FAM131A: variants seen among roughly 807,000 people sequenced by gnomAD.
FAM131A encodes the protein family with sequence similarity 131 member A.
In FAM131A, 24 loss-of-function variants were observed where a neutral mutation model predicts 39.2. The ratio of observed to expected loss-of-function variants is 0.61; its 90% CI spans 0.44 to 0.86. The LOEUF is 0.86. Among genes scored for constraint, FAM131A ranks in the 40% least tolerant of loss-of-function variants. FAM131A has a pLI of 0.00. For missense variants in FAM131A, 373 were observed against 481.2 expected, an observed-to-expected ratio of 0.78 and a Z score of 2.10; for synonymous variants, 202 against 206.8, an observed-to-expected ratio of 0.98 and a Z score of 0.20.
intron 2 of FAM131A, chr3:184,339,086 A>C (rs1048003514): frequency 6.5e-6 from 1 of 152,810 alleles, no homozygotes; most frequent in Non-Finnish European, 1.5e-5. Context: ...AATGCCGGGG[A>C]GGGATGTGTG....
Position 184,342,948 on chromosome 3 carries a change from C to A in FAM131A, c.625+88C>A. ...GAGCCACATCCAGAACACTCTCAGCCTTTGCAAGGGGAGGGAGAGGGACAG... is the reference window on the plus strand; with the variant it reads ...GAGCCACATCCAGAACACTCTCAGCATTTGCAAGGGGAGGGAGAGGGACAG... On this transcript the variant is annotated intron_variant, in intron 5 of 5. Transcript: ENST00000383847. The surrounding 1 kb of genome is among the most constrained non-coding windows in gnomAD (Gnocchi z 4.6). 1 of 1,177,488 alleles carries A rather than the reference C, an allele frequency of 8.5e-7. No individual in the cohort carries two copies. The highest frequency in any genetic ancestry group is 1.3e-6 in the Non-Finnish European group (1 of 796,966). 72.9% of individuals were successfully genotyped at this position (1,177,488 alleles called of 1,614,324 possible).
Position 184,345,771 on chromosome 3 carries a change from G to T in FAM131A, c.*801G>T, listed in dbSNP as rs970159970. The T allele has an allele frequency of 1.7e-6, 1 of 582,298 alleles. No homozygotes were observed. Among genetic ancestry groups the T allele is most frequent in the African/African-American group, 1.9e-5 (1 of 52,540 alleles). 36.1% of individuals were successfully genotyped at this position (582,298 alleles called of 1,614,324 possible). On this transcript the variant is annotated 3_prime_UTR_variant, in exon 6 of 6. Transcript: ENST00000383847. Reference sequence around the variant, plus strand: ...CCCATTCACGCAGAGCTCTCTGAGCGGGAGGTGGAAGAAAGGATGGCTCTG... The same window carrying T: ...CCCATTCACGCAGAGCTCTCTGAGCTGGAGGTGGAAGAAAGGATGGCTCTG...
At position 184,345,104 on chromosome 3, in the gene FAM131A, G is replaced by GTT; in HGVS notation, c.*135_*136dup. 2.3e-6 allele frequency: 2 copies of GTT among 857,798 alleles called. No individual in the cohort carries two copies. The highest frequency in any genetic ancestry group is 3.7e-5 in the South Asian group (2 of 54,116). The allele number at this position is 857,798 out of a possible 1,614,324, so 53.1% of individuals were successfully genotyped here. The stretch of plus-strand genomic sequence containing the variant: ...GGCTCCTGGGAGCGCTCGCTTCTCC[G>GTT]TTGTGTGTTTTGCATGAAAGTGTTT... On this transcript the variant is annotated 3_prime_UTR_variant, in exon 6 of 6. Coordinates refer to ENST00000383847, the MANE Select transcript of FAM131A (RefSeq NM_144635.5).
chr3:184,342,058 A>G lies in FAM131A; in HGVS notation c.326-8A>G. 6.2e-7 allele frequency: 1 copy of G among 1,613,798 alleles called. No individual in the cohort carries two copies. Among genetic ancestry groups the G allele is most frequent in the African/African-American group, 1.3e-5 (1 of 74,912 alleles). On this transcript the variant is annotated splice_region_variant and splice_polypyrimidine_tract_variant and intron_variant, in intron 3 of 5. Transcript: ENST00000383847. The surrounding 1 kb of genome is among the most constrained non-coding windows in gnomAD (Gnocchi z 4.6). ...TTACCAGGCTTCTCCACCCTCCCCT[A>G]TCTCCAGGTATTTCCCAGGTGGTGA...
chr3:184,341,983 C>G (rs768506228), intron 3 of FAM131A, 83 bp from the exon 4 acceptor site: 10 of 1,564,294 alleles, frequency 6.4e-6, no homozygotes, highest in Non-Finnish European at 8.8e-6. Flanking sequence ...TGGATCCTAA[C>G]TACTGCCACC....
Position 184,346,150 on chromosome 3 carries a change from C to T in FAM131A, c.*1180C>T. 1 of 189,020 alleles carries T rather than the reference C, an allele frequency of 5.3e-6. No homozygotes were observed. Among genetic ancestry groups the T allele is most frequent in the Non-Finnish European group, 1.1e-5 (1 of 89,514 alleles). The allele number at this position is 189,020 out of a possible 1,614,324, so 11.7% of individuals were successfully genotyped here. A position where few individuals can be genotyped will look rare whatever the true frequency, so the allele number is the denominator to read the frequency against. ...TTGTAGGCTTTGGCAGGTAAGAGGG[C>T]CCAAGGTAAGAACGAGAGCCAACGG... On this transcript the variant is annotated 3_prime_UTR_variant, in exon 6 of 6. Coordinates refer to ENST00000383847, the MANE Select transcript of FAM131A (RefSeq NM_144635.5). This position sits in a 1 kb window ranked among gnomAD's most constrained non-coding sequence, Gnocchi z 6.0.
At position 184,346,235 on chromosome 3, in the gene FAM131A, T is replaced by G; in HGVS notation, c.*1265T>G. ...TGTTTATTTTGTTCTATTTAAGAAT[T>G]TGTTTTATTAAATTAATATAAAAAT... On this transcript the variant is annotated 3_prime_UTR_variant, in exon 6 of 6. Coordinates refer to ENST00000383847, the MANE Select transcript of FAM131A (RefSeq NM_144635.5). This position sits in a 1 kb window ranked among gnomAD's most constrained non-coding sequence, Gnocchi z 6.0. The G allele has an allele frequency of 3.8e-6, 1 of 263,076 alleles. No homozygotes were observed. The highest frequency in any genetic ancestry group is 5.3e-5 in the South Asian group (1 of 18,954). The allele number at this position is 263,076 out of a possible 1,614,324, so 16.3% of individuals were successfully genotyped here. A position where few individuals can be genotyped will look rare whatever the true frequency, so the allele number is the denominator to read the frequency against.
rs1242835925 is a variant in FAM131A at position 184,338,504 on chromosome 3, C to T, written c.206C>T (p.Ser69Leu). ...RGWSRSSRPS[S>L]VDSQDLPEVN... Reference sequence around the variant, plus strand: ...TGGAGCAGGTCCTCCCGCCCTTCCTCGGTGGACAGTCAGGACTTGCCAGAG... The same window carrying T: ...TGGAGCAGGTCCTCCCGCCCTTCCTTGGTGGACAGTCAGGACTTGCCAGAG... The change falls in exon 2 of 6, where the codon TCG (serine) becomes TTG (leucine). Residue 69 changes from serine (S) to leucine (L), a missense_variant. By Grantham distance (145) the Ser-to-Leu change is moderately radical. Around this residue, in one of 2 missense-constraint regions of FAM131A, gnomAD observed 221 missense variants for 347.7 expected, o/e 0.64. Transcript: ENST00000383847. 2 of 1,536,276 alleles carry T rather than the reference C, an allele frequency of 1.3e-6. No individual in the cohort carries two copies. The highest frequency in any genetic ancestry group is 1.7e-6 in the Non-Finnish European group (2 of 1,146,594).
chr3:184,342,913 C>CA lies in FAM131A; in HGVS notation c.625+54dup. On this transcript the variant is annotated intron_variant, in intron 5 of 5. Transcript: ENST00000383847. This position sits in a 1 kb window ranked among gnomAD's most constrained non-coding sequence, Gnocchi z 4.6. ...GGTGGACCCACCTGATAGACCTTGGCATTCTTTCAGAGCCACATCCAGAAC... is the reference window on the plus strand; with the variant it reads ...GGTGGACCCACCTGATAGACCTTGGCAATTCTTTCAGAGCCACATCCAGAAC... 1 of 1,476,792 alleles carries CA rather than the reference C, an allele frequency of 6.8e-7. No homozygotes were observed. Among genetic ancestry groups the CA allele is most frequent in the Admixed American group, 1.7e-5 (1 of 59,140 alleles). 91.5% of individuals were successfully genotyped at this position (1,476,792 alleles called of 1,614,324 possible).
chr3:184,336,609 C>G (rs1246037324), upstream of FAM131A, among the ~76,000 whole-genome samples: 1 of 152,314 alleles, frequency 6.6e-6, no homozygotes, highest in East Asian at 1.9e-4. The surrounding 1 kb of genome is among the most constrained non-coding windows in gnomAD (Gnocchi z 5.5). Context: ...GGCTAAGCAC[C>G]CTACCACAGA....
upstream of FAM131A, among the ~76,000 whole-genome samples, chr3:184,336,486 C>A (rs955433555): frequency 1.3e-5 from 2 of 152,214 alleles, no homozygotes; most frequent in African/African-American, 4.8e-5. This position sits in a 1 kb window ranked among gnomAD's most constrained non-coding sequence, Gnocchi z 5.5. Flanking sequence ...CCCACACACA[C>A]ACTCCCCTCC....
chr3:184,341,861 C>T, intron 3 of FAM131A, 44 bp downstream of exon 3: 4 of 1,600,214 alleles, frequency 2.5e-6, no homozygotes, highest in Non-Finnish European at 3.4e-6. Context: ...GTCCTTTCTC[C>T]TCCCGTTTGC....
At position 184,342,867 on chromosome 3, in the gene FAM131A, G is replaced by A. The variant is rs111824196; in HGVS notation, c.625+7G>A. 25 of 1,609,176 alleles carry A rather than the reference G, an allele frequency of 1.6e-5. No individual in the cohort carries two copies. The African/African-American group carries it at 1.9e-4, about 12-fold the overall frequency. ...GCTGGGGGAATGGACACAGGTGAGG[G>A]ACATCCTGGGCTAGGGCTGTGGTGG... On this transcript the variant is annotated splice_region_variant and intron_variant, in intron 5 of 5. Transcript: ENST00000383847. This position sits in a 1 kb window ranked among gnomAD's most constrained non-coding sequence, Gnocchi z 4.6.
At position 184,342,162 on chromosome 3, in the gene FAM131A, C is replaced by T. The variant is rs745927569; in HGVS notation, c.422C>T (p.Pro141Leu). The part of the protein sequence containing the change: ...HLIEWKGWSK[P>L]SDSPAALESA... The stretch of plus-strand genomic sequence containing the variant: ...ATTGAGTGGAAGGGCTGGAGCAAGC[C>T]GAGTGACTCACCTGCTGCCCTGGAA... Residue 141 changes from proline to leucine, a missense_variant, in exon 4 of 6, where the codon CCG becomes CTG. By Grantham distance (98) the Pro-to-Leu change is moderately conservative. Coordinates refer to ENST00000383847, the MANE Select transcript of FAM131A (RefSeq NM_144635.5). This position sits in a 1 kb window ranked among gnomAD's most constrained non-coding sequence, Gnocchi z 4.6. The T allele has an allele frequency of 1.9e-6, 3 of 1,614,094 alleles. No individual in the cohort carries two copies. The highest frequency in any genetic ancestry group is 2.5e-6 in the Non-Finnish European group (3 of 1,180,040).
chr3:184,337,843 A>T, intron 1 of FAM131A, 125 bp downstream of exon 1: 1 of 958,642 alleles, frequency 1.0e-6, no homozygotes, highest in Non-Finnish European at 1.6e-6. Flanking sequence ...AGGGAGAACC[A>T]GGCTGGGGCC....
At position 184,342,728 on chromosome 3, in the gene FAM131A, T is replaced by C. The variant is rs1442184480; in HGVS notation, c.509-16T>C. Reference sequence around the variant, plus strand: ...TAGCTCACCTTCTCTGCTTATGCATTCTGTCCCTGCGACAGGAGTGGCTGA... The same window carrying C: ...TAGCTCACCTTCTCTGCTTATGCATCCTGTCCCTGCGACAGGAGTGGCTGA... On this transcript the variant is annotated splice_polypyrimidine_tract_variant and intron_variant, in intron 4 of 5. Coordinates refer to ENST00000383847, the MANE Select transcript of FAM131A (RefSeq NM_144635.5). The surrounding 1 kb of genome is among the most constrained non-coding windows in gnomAD (Gnocchi z 4.6). The C allele has an allele frequency of 1.2e-6, 2 of 1,608,342 alleles. No individual in the cohort carries two copies. The highest frequency in any genetic ancestry group is 1.3e-5 in the African/African-American group (1 of 74,952).
Position 184,342,092 on chromosome 3 carries a change from G to A in FAM131A, c.352G>A (p.Val118Met), listed in dbSNP as rs780902232. The A allele has an allele frequency of 5.0e-6, 8 of 1,614,158 alleles. No individual in the cohort carries two copies. The highest frequency in any genetic ancestry group is 2.2e-5 in the South Asian group (2 of 91,084). ...TATTTCCCAGGTGGTGAAGGACCAC[G>A]TGACCAAGCCTACCGCCATGGCCCA... ...HGISQVVKDHVTKPTAMAQGR... is the reference protein window; with the variant it reads ...HGISQVVKDHMTKPTAMAQGR... Residue 118 changes from valine to methionine, a missense_variant, in exon 4 of 6, where the codon GTG becomes ATG. By Grantham distance (21) the Val-to-Met change is conservative. Transcript: ENST00000383847. This position sits in a 1 kb window ranked among gnomAD's most constrained non-coding sequence, Gnocchi z 4.6.
At chr3:184,341,371 G>T (rs1727369188) in intron 2 of FAM131A, 1 of 301,770 alleles carries the variant, frequency 3.3e-6, no homozygotes, top group Non-Finnish European at 6.3e-6. Flanking sequence ...GAATCTTAAA[G>T]AAGTCCTGGA....
chr3:184,345,423 G>C lies in FAM131A; in HGVS notation c.*453G>C, dbSNP rs1727600471. The C allele has an allele frequency of 1.5e-6, 1 of 672,966 alleles. No homozygotes were observed. The highest frequency in any genetic ancestry group is 2.7e-6 in the Non-Finnish European group (1 of 375,680). 41.7% of individuals were successfully genotyped at this position (672,966 alleles called of 1,614,324 possible). A position where few individuals can be genotyped will look rare whatever the true frequency, so the allele number is the denominator to read the frequency against. On this transcript the variant is annotated 3_prime_UTR_variant, in exon 6 of 6. Transcript: ENST00000383847. ...CCGAGTCCATGTGCAGTGCTTGATA[G>C]AATCACCCCCACCTGGAGGGGCTGG...
Sources: allele counts gnomAD v4.1 joint callset (sites outside exome capture counted in the v4.1 genomes callset), GRCh38; gene constraint gnomAD v4.1.1; regional missense constraint gnomAD v4.1.1; non-coding constraint Gnocchi (gnomAD v3.1); transcripts MANE v1.5; gene names NCBI Gene and HGNC (gene_info 2026-07-23, HGNC 2026-07-21).